GRM8: variants seen among roughly 807,000 people sequenced by gnomAD.
The protein encoded by GRM8 is glutamate metabotropic receptor 8, also known as metabotropic glutamate receptor 8.
GRM8 carries 47 observed loss-of-function variants against 87.2 expected under a neutral mutation model. The ratio of observed to expected loss-of-function variants is 0.54; its 90% CI spans 0.43 to 0.69. The LOEUF (loss-of-function observed/expected upper bound fraction) is 0.69. Ranked by LOEUF, GRM8 falls within the 30% of genes least tolerant of loss-of-function variation. The pLI is 0.00. For synonymous variants in GRM8, 396 were observed against 404.5 expected (o/e 0.98, Z 0.25); for missense variants, 1,019 against 1,139.2 (o/e 0.89, Z 1.52).
intron 7 of GRM8, among the ~76,000 whole-genome samples, chr7:126,650,790 C>T (rs1312074494): frequency 6.6e-6 from 1 of 151,864 alleles, no homozygotes; most frequent in African/African-American, 2.4e-5. Flanking sequence ...TCAATGGATA[C>T]CACTCAGCCT....
At chr7:126,654,543 G>A (rs1326873777) in intron 7 of GRM8, among the ~76,000 whole-genome samples, 1 of 152,144 alleles carries the variant, frequency 6.6e-6, no homozygotes, top group Non-Finnish European at 1.5e-5. Context: ...ATTGTACCCA[G>A]TATTTATGTG....
chr7:126,458,403 C>A (rs1041671540), intron 9 of GRM8, among the ~76,000 whole-genome samples: 2 of 150,650 alleles, frequency 1.3e-5, no homozygotes, highest in Non-Finnish European at 3.0e-5. Flanking sequence ...TAATATAGGA[C>A]AAAATAGAAT....
chr7:126,682,920 G>A (rs754063507), intron 7 of GRM8, among the ~76,000 whole-genome samples: 25 of 152,074 alleles, frequency 1.6e-4, no homozygotes, highest in Non-Finnish European at 3.4e-4. Flanking sequence ...ATAGTGGCAC[G>A]CCCCTGTAGT....
intron 3 of GRM8, among the ~76,000 whole-genome samples, chr7:126,908,133 G>C (rs761904212): frequency 6.6e-6 from 1 of 152,208 alleles, no homozygotes; most frequent in Non-Finnish European, 1.5e-5. Flanking sequence ...GAGCTAAAGA[G>C]AGAGAAGGGA....
chr7:126,973,542 G>C (rs1810645282), intron 3 of GRM8, among the ~76,000 whole-genome samples: 1 of 152,164 alleles, frequency 6.6e-6, no homozygotes, highest in Non-Finnish European at 1.5e-5. Flanking sequence ...TCAGTGATAA[G>C]TTTATTATTG....
At chr7:126,637,947 A>T (rs998606891) in intron 7 of GRM8, among the ~76,000 whole-genome samples, 2 of 152,128 alleles carry the variant, frequency 1.3e-5, no homozygotes, top group African/African-American at 4.8e-5. Context: ...AAATCTTCAT[A>T]AAAATGGGTC....
chr7:126,736,024 G>C lies in GRM8; in HGVS notation c.1357+33841C>G, dbSNP rs142010933. Among the ~76,000 whole-genome samples the C allele has an allele frequency of 6.4e-3, 970 of 152,142 alleles. 4 individuals are homozygous for C. The highest frequency in any genetic ancestry group is 9.9e-3 in the Non-Finnish European group (673 of 67,962). ...AAATAGAAGTGCACAGATTGTTAAT[G>C]TTAAGTTCTTCCAGAAGGCTGATGT... On this transcript the variant is annotated intron_variant, in intron 7 of 10. Transcript: ENST00000339582.
At chr7:127,136,008 C>T (rs1363806159) in intron 2 of GRM8, among the ~76,000 whole-genome samples, 1 of 151,962 alleles carries the variant, frequency 6.6e-6, no homozygotes, top group African/African-American at 2.4e-5. Context: ...TCTTCAATAC[C>T]AAAGCATTAA....
In GRM8 at chr7:127,011,051, T is replaced by C. The variant is rs537580399; in HGVS notation, c.727+95445A>G. ...CTTGAGTTTTACTTATTATACTATA[T>C]CATTTTCTCACATATTATCTCTTTT... On this transcript the variant is annotated intron_variant, in intron 3 of 10. Coordinates refer to ENST00000339582, the MANE Select transcript of GRM8 (RefSeq NM_000845.3). Among the ~76,000 whole-genome samples, 14 of 152,228 alleles carry C rather than the reference T, an allele frequency of 9.2e-5. 1 individual carries two copies. The South Asian group carries it at 2.9e-3, about 32-fold the overall frequency.
At chr7:127,174,245 A>G (rs1343872804) in intron 2 of GRM8, among the ~76,000 whole-genome samples, 1 of 152,202 alleles carries the variant, frequency 6.6e-6, no homozygotes, top group African/African-American at 2.4e-5. Flanking sequence ...GATATAGTGA[A>G]AAGAAGGGCA....
At chr7:127,203,978 G>A (rs958833257) in intron 2 of GRM8, among the ~76,000 whole-genome samples, 2 of 152,110 alleles carry the variant, frequency 1.3e-5, no homozygotes, top group African/African-American at 2.4e-5. Context: ...AATAAGGACA[G>A]GTCAAATTGA....
chr7:126,540,292 G>A (rs532251812), intron 8 of GRM8, among the ~76,000 whole-genome samples: 2 of 152,210 alleles, frequency 1.3e-5, no homozygotes, highest in East Asian at 3.9e-4. Flanking sequence ...ACAATAGCAA[G>A]TGTTGATAAA....
intron 7 of GRM8, among the ~76,000 whole-genome samples, chr7:126,667,792 G>C (rs1191054243): frequency 1.3e-5 from 2 of 152,212 alleles, no homozygotes; most frequent in African/African-American, 4.8e-5. Flanking sequence ...CACAACAGCT[G>C]AGCATGTTTG....
chr7:126,745,575 T>C (rs778896316), intron 7 of GRM8, among the ~76,000 whole-genome samples: 9 of 151,556 alleles, frequency 5.9e-5, no homozygotes, highest in Non-Finnish European at 1.2e-4. Flanking sequence ...TGAAAATGTA[T>C]TACCTTGTAC....
At chr7:127,135,517 G>T (rs1055176670) in intron 2 of GRM8, among the ~76,000 whole-genome samples, 1 of 150,976 alleles carries the variant, frequency 6.6e-6, no homozygotes, top group African/African-American at 2.4e-5. Context: ...GATGGGAATA[G>T]GTGAGAAGAG....
intron 7 of GRM8, chr7:126,701,612 C>A: frequency 2.8e-6 from 1 of 362,350 alleles, no homozygotes; most frequent in Non-Finnish European, 5.5e-6. Flanking sequence ...TACACTAGAA[C>A]CCTGCTTTTG....
chr7:126,520,106 T>C (rs951313391), intron 9 of GRM8, among the ~76,000 whole-genome samples: 9 of 151,774 alleles, frequency 5.9e-5, no homozygotes, highest in Non-Finnish European at 1.3e-4. Context: ...ACCTTGGAAA[T>C]GAGAAGGAAA....
chr7:126,914,283 G>C (rs954351923), intron 3 of GRM8, among the ~76,000 whole-genome samples: 3 of 152,154 alleles, frequency 2.0e-5, no homozygotes, highest in Non-Finnish European at 2.9e-5. Flanking sequence ...ATGTTGATGA[G>C]GCTACAGAGA....
chr7:127,202,088 A>G (rs926986634), intron 2 of GRM8, among the ~76,000 whole-genome samples: 3 of 152,072 alleles, frequency 2.0e-5, no homozygotes, highest in Non-Finnish European at 4.4e-5. Flanking sequence ...TAGAATGTAC[A>G]TGTATATACT....
Sources: allele counts gnomAD v4.1 joint callset (sites outside exome capture counted in the v4.1 genomes callset), GRCh38; gene constraint gnomAD v4.1.1; transcripts MANE v1.5; gene names NCBI Gene and HGNC (gene_info 2026-07-23, HGNC 2026-07-21).